The following TRPC6 variants were observed in gnomAD, a reference collection of about 807,000 sequenced individuals.
TRPC6 encodes short transient receptor potential channel 6.
Under a neutral mutation model 90.7 loss-of-function variants are expected in TRPC6, and 55 were observed. The ratio of observed to expected loss-of-function variants is 0.61; its 90% CI spans 0.49 to 0.76. The LOEUF (loss-of-function observed/expected upper bound fraction) is 0.76, where lower values mean the gene tolerates loss of function less well. Ranked by LOEUF, TRPC6 falls within the 30% of genes least tolerant of loss-of-function variation. The pLI, the probability that TRPC6 is intolerant of heterozygous loss-of-function variation, is 0.00. For synonymous variants in TRPC6, 393 were observed against 393.0 expected (o/e 1.00, Z 0.00); for missense variants, 989 against 1,122.7 (o/e 0.88, Z 1.70).
At chr11:101,559,646 T>A (rs943135583) in intron 1 of TRPC6, among the ~76,000 whole-genome samples, 3 of 150,178 alleles carry the variant, frequency 2.0e-5, no homozygotes, top group South Asian at 2.1e-4. Context: ...TTTTTTTTTT[T>A]ATTATACTTT....
chr11:101,492,831 T>C (rs1277466328), intron 2 of TRPC6, among the ~76,000 whole-genome samples: 1 of 152,192 alleles, frequency 6.6e-6, no homozygotes, highest in African/African-American at 2.4e-5. Flanking sequence ...ATTTAACAGA[T>C]TTTAATTGAA....
intron 1 of TRPC6, among the ~76,000 whole-genome samples, chr11:101,523,144 T>G (rs1860699082): frequency 6.6e-6 from 1 of 152,252 alleles, no homozygotes; most frequent in Admixed American, 6.5e-5. Context: ...CTTCATGCTC[T>G]GATCTACCAA....
chr11:101,476,229 G>T, intron 6 of TRPC6, 72 bp downstream of exon 6: 4 of 1,280,594 alleles, frequency 3.1e-6, no homozygotes, highest in Non-Finnish European at 4.5e-6. Flanking sequence ...TGCAGTAACC[G>T]AACTACTACT....
At chr11:101,459,652 C>A (rs1858959962) in intron 10 of TRPC6, among the ~76,000 whole-genome samples, 1 of 151,974 alleles carries the variant, frequency 6.6e-6, no homozygotes, top group South Asian at 2.1e-4. Context: ...TTGATAGATA[C>A]CATATTTTCT....
At chr11:101,553,565 A>G (rs1261129063) in intron 1 of TRPC6, among the ~76,000 whole-genome samples, 1 of 152,114 alleles carries the variant, frequency 6.6e-6, no homozygotes, top group Non-Finnish European at 1.5e-5. Context: ...GCCTTTGGAC[A>G]TTATACTCTA....
rs142192456 is a variant in TRPC6, at chr11:101,493,175, G to C, written c.946-1437C>G. On this transcript the variant is annotated intron_variant, in intron 2 of 12. Transcript: ENST00000344327. ...ATTAGCAGGGGTGTTCAATCTTTTG[G>C]CTTCCCTGGGCCACATTGGAAGAAG... 8.2e-3 allele frequency among the ~76,000 whole-genome samples: 1,246 copies of C among 152,230 alleles called. 14 individuals carry two copies. The highest frequency in any genetic ancestry group is 0.029 in the African/African-American group (1,197 of 41,514).
At chr11:101,552,090 G>A (rs1861462597) in intron 1 of TRPC6, among the ~76,000 whole-genome samples, 1 of 152,068 alleles carries the variant, frequency 6.6e-6, no homozygotes, top group Non-Finnish European at 1.5e-5. Context: ...CATCTTGTAA[G>A]TTTGCAAGTA....
At chr11:101,539,697 G>C (rs1436303630) in intron 1 of TRPC6, among the ~76,000 whole-genome samples, 1 of 152,090 alleles carries the variant, frequency 6.6e-6, no homozygotes, top group Non-Finnish European at 1.5e-5. Context: ...ACATACTTTA[G>C]AAAAATTGCT....
At chr11:101,569,526 C>T (rs1416523531) in intron 1 of TRPC6, among the ~76,000 whole-genome samples, 1 of 152,164 alleles carries the variant, frequency 6.6e-6, no homozygotes, top group African/African-American at 2.4e-5. Context: ...ACCTAATAGA[C>T]ATCTACAGAA....
intron 10 of TRPC6, among the ~76,000 whole-genome samples, chr11:101,460,594 G>A (rs1858982451): frequency 6.6e-6 from 1 of 152,092 alleles, no homozygotes; most frequent in Admixed American, 6.5e-5. Flanking sequence ...TTGCAAAACT[G>A]TAAAACAATT....
chr11:101,557,157 C>A (rs1238827550), intron 1 of TRPC6, among the ~76,000 whole-genome samples: 3 of 152,010 alleles, frequency 2.0e-5, no homozygotes, highest in African/African-American at 7.3e-5. Context: ...GAGTTTGAGA[C>A]AAGCCTGGTC....
intron 2 of TRPC6, among the ~76,000 whole-genome samples, chr11:101,493,870 A>C (rs889544582): frequency 2.6e-5 from 4 of 152,188 alleles, no homozygotes; most frequent in African/African-American, 9.7e-5. Flanking sequence ...GGTATGTGTA[A>C]GGTACCTACT....
intron 1 of TRPC6, among the ~76,000 whole-genome samples, chr11:101,520,781 G>C (rs545951305): frequency 2.6e-5 from 4 of 152,192 alleles, no homozygotes; most frequent in Non-Finnish European, 4.4e-5. Context: ...CTATGCGTTT[G>C]CAAAGAGGTT....
At chr11:101,518,424 C>A (rs962140808) in intron 1 of TRPC6, among the ~76,000 whole-genome samples, 8 of 152,018 alleles carry the variant, frequency 5.3e-5, no homozygotes, top group African/African-American at 1.9e-4. Context: ...ATACAAATTG[C>A]AAACAGAAAT....
In TRPC6 at chr11:101,504,563, C is replaced by T. The variant is rs377323677; in HGVS notation, c.406G>A (p.Ala136Thr). The T allele has an allele frequency of 6.2e-7, 1 of 1,614,054 alleles. No homozygotes were observed. The highest frequency in any genetic ancestry group is 1.3e-5 in the African/African-American group (1 of 74,934). The change falls in exon 2 of 13, where the codon GCC becomes ACC. Residue 136 changes from alanine to threonine, a missense_variant. Ala to Thr is a moderately conservative substitution (Grantham distance 58, BLOSUM62 0). Coordinates refer to ENST00000344327, the MANE Select transcript of TRPC6 (RefSeq NM_004621.6). ...VNCVDYMGQN[A>T]LQLAVANEHL... ...TCATTGGCCACTGCCAACTGTAGGG[C>T]ATTCTGGCCCATGTAATCCACACAG...
chr11:101,569,040 GC>G (rs1343418595), intron 1 of TRPC6, among the ~76,000 whole-genome samples: 1 of 152,138 alleles, frequency 6.6e-6, no homozygotes, highest in African/African-American at 2.4e-5. Context: ...CAGGCTAAAT[GC>G]CCCAATTAAA....
chr11:101,541,717 G>A (rs989472224), intron 1 of TRPC6, among the ~76,000 whole-genome samples: 2 of 152,130 alleles, frequency 1.3e-5, no homozygotes, highest in Admixed American at 1.3e-4. Context: ...AGGATATCAG[G>A]CTGGAGGATG....
Position 101,469,919 on chromosome 11 carries a change from A to G in TRPC6, c.2410-418T>C, listed in dbSNP as rs368704174. On this transcript the variant is annotated intron_variant, in intron 9 of 12. Transcript: ENST00000344327. The stretch of plus-strand genomic sequence containing the variant: ...TTGAGTTGATCTTCAGGATGTAGAT[A>G]TAATTTTTTTCACATATTACAGTTG... Among the ~76,000 whole-genome samples the G allele has an allele frequency of 5.4e-4, 82 of 152,338 alleles. 1 individual carries two copies. Among genetic ancestry groups the G allele is most frequent in the African/African-American group, 2.0e-3 (82 of 41,574 alleles).
intron 1 of TRPC6, among the ~76,000 whole-genome samples, chr11:101,523,764 T>C (rs887921331): frequency 4.6e-5 from 7 of 152,248 alleles, no homozygotes; most frequent in South Asian, 2.1e-4. Flanking sequence ...TCTACTCAAA[T>C]ACTTTGCTTC....
Sources: allele counts gnomAD v4.1 joint callset (sites outside exome capture counted in the v4.1 genomes callset), GRCh38; gene constraint gnomAD v4.1.1; transcripts MANE v1.5; gene names NCBI Gene and HGNC (gene_info 2026-07-23, HGNC 2026-07-21).